The following PUS10 variants were observed in gnomAD, a reference collection of about 807,000 sequenced individuals.
PUS10 encodes the protein tRNA pseudouridine synthase Pus10.
In PUS10, 59 loss-of-function variants were observed where a neutral mutation model predicts 75.0. That is an observed-to-expected ratio of 0.79 (90% CI 0.64 to 0.98). The LOEUF is 0.98. Among genes scored for constraint, PUS10 ranks in the 50% least tolerant of loss-of-function variants. The probability of loss-of-function intolerance (pLI) is 0.00; values close to 1 mark genes in which losing one functional copy is unlikely to be tolerated. For synonymous variants in PUS10, 219 were observed against 211.6 expected (o/e 1.03, Z -0.30); for missense variants, 650 against 614.4 (o/e 1.06, Z -0.61).
intron 4 of PUS10, among the ~76,000 whole-genome samples, chr2:60,999,674 G>A (rs539416991): frequency 6.6e-6 from 1 of 152,098 alleles, no homozygotes; most frequent in Non-Finnish European, 1.5e-5. Flanking sequence ...GAATCTTAGA[G>A]TTGAAAAGGC....
intron 4 of PUS10, among the ~76,000 whole-genome samples, chr2:60,991,298 G>A (rs1397032672): frequency 6.6e-6 from 1 of 152,166 alleles, no homozygotes; most frequent in Non-Finnish European, 1.5e-5. Context: ...AGGTAAATCT[G>A]TGAATATTGA....
intron 4 of PUS10, among the ~76,000 whole-genome samples, chr2:60,987,882 G>A (rs1205053866): frequency 6.6e-6 from 1 of 151,234 alleles, no homozygotes; most frequent in Non-Finnish European, 1.5e-5. Flanking sequence ...TAGATCATGC[G>A]ACTGCACTCC....
chr2:61,018,249 A>C lies in PUS10; in HGVS notation c.-257T>G. On this transcript the variant is annotated 5_prime_UTR_variant, in exon 1 of 18. Transcript: ENST00000316752. ...CAGCCACGGCATCGACAGGGAGCAA[A>C]GTCTCTCCTTAAAGGTGTTAACCTC... The C allele has an allele frequency of 6.4e-7, 1 of 1,551,126 alleles. No homozygotes were observed. Among genetic ancestry groups the C allele is most frequent in the Non-Finnish European group, 8.7e-7 (1 of 1,147,034 alleles).
chr2:61,004,473 C>CA (rs1679066989), intron 4 of PUS10, among the ~76,000 whole-genome samples: 1 of 151,628 alleles, frequency 6.6e-6, no homozygotes, highest in Non-Finnish European at 1.5e-5. Context: ...CTAAAAACTA[C>CA]AAAAAATTAG....
chr2:60,961,093 T>C (rs755013649), intron 10 of PUS10, among the ~76,000 whole-genome samples: 33 of 152,238 alleles, frequency 2.2e-4, no homozygotes, highest in Non-Finnish European at 3.7e-4. Context: ...ATTTTGGAGA[T>C]AATAAGTTAT....
intron 6 of PUS10, 157 bp downstream of exon 6, chr2:60,967,345 A>G (rs1229734602): frequency 9.3e-6 from 5 of 537,906 alleles, no homozygotes; most frequent in Admixed American, 3.8e-5. Context: ...TTTGACTTCA[A>G]TTTAAGACTA....
At position 60,967,485 on chromosome 2, in the gene PUS10, T is replaced by C. The variant is rs773560610; in HGVS notation, c.615+17A>G. On this transcript the variant is annotated intron_variant, in intron 6 of 17. Coordinates refer to ENST00000316752, the MANE Select transcript of PUS10 (RefSeq NM_144709.4). ...TAAAATCAGAGAATAAAATTAACAA[T>C]GCTGTTGACCCAATACCTTTCCATC... The C allele has an allele frequency of 6.9e-7, 1 of 1,447,298 alleles. No individual in the cohort carries two copies. Among genetic ancestry groups the C allele is most frequent in the Non-Finnish European group, 9.6e-7 (1 of 1,042,218 alleles). 89.7% of individuals were successfully genotyped at this position (1,447,298 alleles called of 1,614,324 possible).
intron 4 of PUS10, among the ~76,000 whole-genome samples, chr2:60,973,692 G>C (rs1031645762): frequency 6.6e-6 from 1 of 152,240 alleles, no homozygotes; most frequent in Admixed American, 6.5e-5. Context: ...GGCAGAAAGC[G>C]GCAGGTCCAC....
intron 4 of PUS10, among the ~76,000 whole-genome samples, chr2:60,985,993 A>G (rs1204208435): frequency 1.3e-5 from 2 of 151,820 alleles, no homozygotes; most frequent in African/African-American, 2.4e-5. Context: ...AGGGAAATCA[A>G]AGGAAAATGC....
chr2:60,962,188 G>T (rs978422909), intron 9 of PUS10, among the ~76,000 whole-genome samples: 4 of 152,204 alleles, frequency 2.6e-5, no homozygotes, highest in Non-Finnish European at 5.9e-5. Context: ...AGAATTTCAG[G>T]ACATCTGGCT....
At chr2:61,011,583 T>C (rs992627952) in intron 2 of PUS10, among the ~76,000 whole-genome samples, 182 bp downstream of exon 2, 1 of 152,160 alleles carries the variant, frequency 6.6e-6, no homozygotes, top group African/African-American at 2.4e-5. Context: ...TATAATCACT[T>C]AAGAAGGAAC....
At position 61,004,321 on chromosome 2, in the gene PUS10, G is replaced by A. The variant is rs182058436; in HGVS notation, c.468+2236C>T. Among the ~76,000 whole-genome samples, 16 of 152,180 alleles carry A rather than the reference G, an allele frequency of 1.1e-4. No homozygotes were observed. The East Asian group carries it at 2.5e-3, about 24-fold the overall frequency. On this transcript the variant is annotated intron_variant, in intron 4 of 17. Coordinates refer to ENST00000316752, the MANE Select transcript of PUS10 (RefSeq NM_144709.4). ...AACTCCAAAGAAATAATAAAAGACG[G>A]CAATAAAATAAAGTAACATGTGGCC...
intron 4 of PUS10, among the ~76,000 whole-genome samples, chr2:60,996,724 A>C (rs778670466): frequency 2.0e-5 from 3 of 152,212 alleles, no homozygotes; most frequent in Non-Finnish European, 2.9e-5. Flanking sequence ...TCTCCTCTTT[A>C]AGTGAGCATA....
chr2:60,999,138 C>T (rs1678678306), intron 4 of PUS10, among the ~76,000 whole-genome samples: 1 of 152,082 alleles, frequency 6.6e-6, no homozygotes, highest in Non-Finnish European at 1.5e-5. Flanking sequence ...CTACTGGACT[C>T]AACTAGTAAA....
At chr2:61,006,696 T>C (rs1172535238) in intron 3 of PUS10, 53 bp from the exon 4 acceptor site, 6 of 1,381,206 alleles carry the variant, frequency 4.3e-6, no homozygotes, top group Non-Finnish European at 6.1e-6. Context: ...AAAATATTAC[T>C]TACCCTAATC....
intron 5 of PUS10, among the ~76,000 whole-genome samples, chr2:60,970,453 C>A (rs902877885): frequency 6.6e-5 from 10 of 151,778 alleles, no homozygotes; most frequent in Non-Finnish European, 1.3e-4. Flanking sequence ...TCATATGGCC[C>A]TTTTTTTTAC....
At chr2:60,945,223 T>C in intron 16 of PUS10, 115 bp from the exon 17 acceptor site, 1 of 680,446 alleles carries the variant, frequency 1.5e-6, no homozygotes, top group Non-Finnish European at 2.6e-6. Context: ...AGGTTACTTC[T>C]GAGCTCTGAC....
At chr2:61,017,744 AGAGGAGGCG>A in intron 1 of PUS10, 1 of 1,547,216 alleles carries the variant, frequency 6.5e-7, no homozygotes, top group Non-Finnish European at 8.7e-7. Context: ...GCGGGAGCCG[AGAGGAGGCG>A]GAGGAGATGG....
chr2:60,996,233 C>T (rs964962942), intron 4 of PUS10, among the ~76,000 whole-genome samples: 96 of 152,300 alleles, frequency 6.3e-4, no homozygotes, highest in South Asian at 1.0e-3. Flanking sequence ...GTTATTAGAT[C>T]TCTTCAATAT....
Sources: gnomAD v4.1 joint callset for allele counts (sites outside exome capture counted in the v4.1 genomes callset) on GRCh38, gnomAD v4.1.1 for gene constraint, MANE v1.5 for transcripts, NCBI Gene and HGNC (gene_info 2026-07-23, HGNC 2026-07-21) for gene names.